PAM: variants seen among roughly 807,000 people sequenced by gnomAD.
PAM encodes the protein peptidyl-glycine alpha-amidating monooxygenase.
PAM carries 72 observed loss-of-function variants against 122.1 expected under a neutral mutation model. That is an observed-to-expected ratio of 0.59 (90% CI 0.49 to 0.72). The LOEUF (loss-of-function observed/expected upper bound fraction) is 0.72. Among genes scored for constraint, PAM ranks in the 30% least tolerant of loss-of-function variants. The probability of loss-of-function intolerance (pLI) is 0.00; values close to 1 mark genes in which losing one functional copy is unlikely to be tolerated. For missense variants in PAM, 1,106 were observed against 1,183.7 expected (o/e 0.93, Z 0.96); for synonymous variants, 389 against 404.4 (o/e 0.96, Z 0.46).
chr5:102,806,933 G>A (rs779749913), intron 1 of PAM, among the ~76,000 whole-genome samples: 14 of 152,074 alleles, frequency 9.2e-5, no homozygotes, highest in South Asian at 2.1e-4. Context: ...ATACGTTTGC[G>A]CACTATTTAC....
At chr5:102,775,974 C>G (rs118085962) in intron 1 of PAM, among the ~76,000 whole-genome samples, 1 of 152,126 alleles carries the variant, frequency 6.6e-6, no homozygotes, top group Non-Finnish European at 1.5e-5. Context: ...AAAAACATTC[C>G]TATTTCTCCA....
chr5:102,828,159 C>T (rs1210556309), intron 1 of PAM, among the ~76,000 whole-genome samples: 1 of 151,712 alleles, frequency 6.6e-6, no homozygotes, highest in Non-Finnish European at 1.5e-5. Flanking sequence ...GGCAACATGG[C>T]GAGACCCTCT....
intron 1 of PAM, among the ~76,000 whole-genome samples, chr5:102,774,923 C>A (rs1756771047): frequency 6.6e-6 from 1 of 151,696 alleles, no homozygotes. Context: ...TCTTTCATTT[C>A]CCTCTATTGT....
chr5:103,030,349 G>C (rs26429), downstream of PAM: 1 of 152,040 alleles, frequency 6.6e-6, no homozygotes, highest in Non-Finnish European at 1.5e-5. Flanking sequence ...TTCGTAATTC[G>C]TCAATGCAAG....
chr5:102,815,659 GTTGT>G (rs1769536535), intron 1 of PAM, among the ~76,000 whole-genome samples: 2 of 152,112 alleles, frequency 1.3e-5, no homozygotes, highest in Admixed American at 1.3e-4. Flanking sequence ...TAAAGAGGAA[GTTGT>G]TCTTATGCCA....
chr5:102,916,676 A>G (rs1416462230), intron 5 of PAM, among the ~76,000 whole-genome samples: 6 of 147,022 alleles, frequency 4.1e-5, no homozygotes, highest in Non-Finnish European at 9.0e-5. Flanking sequence ...ATTATAATAC[A>G]TATTTATATG....
At chr5:102,981,864 A>C (rs1769997708) in intron 15 of PAM, among the ~76,000 whole-genome samples, 1 of 152,162 alleles carries the variant, frequency 6.6e-6, no homozygotes, top group South Asian at 2.1e-4. Flanking sequence ...TGGTGGGGGA[A>C]TGACTTATCC....
chr5:102,827,473 A>AT (rs1774011667), intron 1 of PAM, among the ~76,000 whole-genome samples: 1 of 152,064 alleles, frequency 6.6e-6, no homozygotes, highest in Admixed American at 6.6e-5. Flanking sequence ...ACATTCTAAT[A>AT]TTTTCTTCTG....
chr5:102,799,757 C>A (rs1431850532), intron 1 of PAM, among the ~76,000 whole-genome samples: 1 of 152,190 alleles, frequency 6.6e-6, no homozygotes, highest in Non-Finnish European at 1.5e-5. Context: ...CCAGGAAGTC[C>A]CTACTATTTC....
intron 1 of PAM, among the ~76,000 whole-genome samples, chr5:102,767,331 T>C (rs1754411690): frequency 6.6e-6 from 1 of 152,186 alleles, no homozygotes; most frequent in African/African-American, 2.4e-5. Flanking sequence ...TGTGGCGTTT[T>C]ATCCAGATTT....
chr5:102,881,224 A>C (rs1410133580), intron 3 of PAM, among the ~76,000 whole-genome samples: 1 of 151,950 alleles, frequency 6.6e-6, no homozygotes, highest in Non-Finnish European at 1.5e-5. Context: ...GCAGAAAAAG[A>C]GTTAAAATAC....
At chr5:102,824,936 A>G (rs2150358754) in intron 1 of PAM, among the ~76,000 whole-genome samples, 1 of 152,342 alleles carries the variant, frequency 6.6e-6, no homozygotes, top group East Asian at 1.9e-4. Flanking sequence ...GAGACCCTGC[A>G]AGATTTTGAA....
chr5:102,983,446 C>CAAAAAAA lies in PAM; in HGVS notation c.1484-6816_1484-6810dup, dbSNP rs70990421. 4.3e-4 allele frequency among the ~76,000 whole-genome samples: 45 copies of CAAAAAAA among 103,570 alleles called. 1 individual carries two copies. The highest frequency in any genetic ancestry group is 1.6e-3 in the African/African-American group (43 of 27,524). The allele number at this position is 103,570 out of a possible 152,430, so 67.9% of individuals were successfully genotyped here. On this transcript the variant is annotated intron_variant, in intron 15 of 25. Coordinates refer to ENST00000438793, the MANE Select transcript of PAM (RefSeq NM_001177306.2). Reference sequence around the variant, plus strand: ...TCCTGGATGACAGAGTGAGACTGTCCAAAAAAAAAAAAAAAATCCTGAGAT... The same window carrying CAAAAAAA: ...TCCTGGATGACAGAGTGAGACTGTCCAAAAAAAAAAAAAAAAAAAAAAATCCTGAGAT...
intron 1 of PAM, among the ~76,000 whole-genome samples, chr5:102,803,201 GGAAGGAAA>G (rs1344766057): frequency 2.9e-3 from 77 of 26,142 alleles, no homozygotes; most frequent in South Asian, 6.3e-3. Context: ...AAGGAAGGAA[GGAAGGAAA>G]GAAGGAAGGA....
At chr5:102,793,949 T>C (rs1400689817) in intron 1 of PAM, among the ~76,000 whole-genome samples, 1 of 152,226 alleles carries the variant, frequency 6.6e-6, no homozygotes, top group African/African-American at 2.4e-5. Flanking sequence ...GCATATTTTT[T>C]TCTTTTTAAA....
At chr5:102,879,998 T>C (rs7737326) in intron 3 of PAM, among the ~76,000 whole-genome samples, 2,896 of 152,314 alleles carry the variant, frequency 0.019, 89 homozygotes, top group African/African-American at 0.063. Flanking sequence ...GGCCTATGAC[T>C]GGCTGGGTGC....
intron 1 of PAM, among the ~76,000 whole-genome samples, chr5:102,775,403 G>A (rs552159397): frequency 2.0e-4 from 30 of 152,048 alleles, no homozygotes; most frequent in Non-Finnish European, 3.7e-4. Flanking sequence ...ATAGGTAAAC[G>A]TGTGCCATGA....
chr5:102,913,313 C>T (rs1330128712), intron 4 of PAM, among the ~76,000 whole-genome samples: 6 of 151,930 alleles, frequency 3.9e-5, no homozygotes, highest in Admixed American at 1.3e-4. Context: ...CGAGAAATGT[C>T]ATTCCATAAC....
chr5:102,919,904 G>C (rs917157670), intron 5 of PAM, among the ~76,000 whole-genome samples: 1 of 152,052 alleles, frequency 6.6e-6, no homozygotes, highest in African/African-American at 2.4e-5. Context: ...TTGTAGACTA[G>C]TGTCAACTTT....
Sources: allele counts gnomAD v4.1 joint callset (sites outside exome capture counted in the v4.1 genomes callset), GRCh38; gene constraint gnomAD v4.1.1; transcripts MANE v1.5; gene names NCBI Gene and HGNC (gene_info 2026-07-23, HGNC 2026-07-21).